Variants in CLTA observed in about 807,000 individuals in gnomAD.
CLTA encodes the protein clathrin, light polypeptide (Lca).
CLTA carries 9 observed loss-of-function variants against 26.9 expected under a neutral mutation model. The observed-to-expected ratio is 0.33, with a 90% CI of 0.20 to 0.58. The LOEUF is 0.58. Among genes scored for constraint, CLTA ranks in the 20% least tolerant of loss-of-function variants. The pLI is 0.85. For synonymous variants in CLTA, 120 were observed against 115.5 expected, an observed-to-expected ratio of 1.04 and a Z score of -0.25; for missense variants, 278 against 294.2, an observed-to-expected ratio of 0.94 and a Z score of 0.40.
At chr9:36,206,722 C>T (rs1396168500) in intron 4 of CLTA, among the ~76,000 whole-genome samples, 1 of 151,888 alleles carries the variant, frequency 6.6e-6, no homozygotes, top group Non-Finnish European at 1.5e-5. Flanking sequence ...TGGTGAAACC[C>T]CATCTCTACT....
At chr9:36,193,972 C>G (rs899491513) in intron 1 of CLTA, among the ~76,000 whole-genome samples, 1 of 152,068 alleles carries the variant, frequency 6.6e-6, no homozygotes, top group Non-Finnish European at 1.5e-5. Context: ...AGGGCTGAGT[C>G]GGGGAAGAGA....
chr9:36,203,870 T>C (rs896887708), intron 3 of CLTA, 198 bp from the exon 4 acceptor site: 1 of 231,094 alleles, frequency 4.3e-6, no homozygotes, highest in African/African-American at 2.3e-5. Context: ...CAGGCAGGAA[T>C]AGAAGCACTG....
intron 3 of CLTA, 200 bp from the exon 4 acceptor site, chr9:36,203,868 A>G (rs1827566599): frequency 4.5e-6 from 1 of 223,714 alleles, no homozygotes; most frequent in Admixed American, 6.5e-5. Flanking sequence ...ACCAGGCAGG[A>G]ATAGAAGCAC....
At chr9:36,192,928 A>G (rs970566565) in intron 1 of CLTA, among the ~76,000 whole-genome samples, 4 of 152,196 alleles carry the variant, frequency 2.6e-5, no homozygotes, top group Non-Finnish European at 5.9e-5. Flanking sequence ...GGACAGTGTT[A>G]CCCTTACTGT....
rs1587206029 is a variant in CLTA, at chr9:36,195,945, C to G, written c.218-1606C>G. 4.0e-5 allele frequency among the ~76,000 whole-genome samples: 6 copies of G among 150,112 alleles called. No homozygotes were observed. In the South Asian group the frequency reaches 1.3e-3, roughly 32 times the overall value. On this transcript the variant is annotated intron_variant, in intron 1 of 4. Transcript: ENST00000345519. ...ATCGCGCCAGTGTACTCTAGCCTGG[C>G]CAACAGCGTGAGACTCCGTCTCAAA...
chr9:36,203,155 A>T (rs1304596325), intron 3 of CLTA, among the ~76,000 whole-genome samples: 1 of 152,062 alleles, frequency 6.6e-6, no homozygotes, highest in Non-Finnish European at 1.5e-5. Flanking sequence ...TTTATCTCTC[A>T]CTATCTACTG....
At chr9:36,210,531 G>C in intron 4 of CLTA, 1 of 1,596,326 alleles carries the variant, frequency 6.3e-7, no homozygotes. Context: ...GCAAGGGCAT[G>C]TCCAGCTTAC....
chr9:36,191,439 G>C (rs1285324522), intron 1 of CLTA, among the ~76,000 whole-genome samples, 166 bp downstream of exon 1: 1 of 152,244 alleles, frequency 6.6e-6, no homozygotes, highest in African/African-American at 2.4e-5. Context: ...ACCTAGGCTC[G>C]AGAAGCCTGT....
At position 36,191,207 on chromosome 9, in the gene CLTA, G is replaced by T. The variant is rs1164964991; in HGVS notation, c.151G>T (p.Ala51Ser). Residue 51 changes from alanine (A) to serine (S), a missense_variant, in exon 1 of 5, where the codon GCC becomes TCC. Physicochemically the swap from Ala to Ser is moderately conservative, Grantham distance 99. Transcript: ENST00000345519. Reference sequence around the variant, plus strand: ...GATTGCGGGCATCGAGAACGACGAGGCCTTCGCCATCCTGGACGGCGGCGC... The same window carrying T: ...GATTGCGGGCATCGAGAACGACGAGTCCTTCGCCATCCTGGACGGCGGCGC... ...SEIAGIENDEAFAILDGGAPG... is the reference protein window; with the variant it reads ...SEIAGIENDESFAILDGGAPG... 6.4e-7 allele frequency: 1 copy of T among 1,567,206 alleles called. No homozygotes were observed.
rs749946417 is a variant in CLTA, at chr9:36,211,642, G to A, written c.525G>A (p.Ser175=). 51 of 1,613,510 alleles carry A rather than the reference G, an allele frequency of 3.2e-5. No individual in the cohort carries two copies. In the Admixed American group the frequency reaches 4.3e-4, roughly 14 times the overall value. Residue 175 remains serine (S), a synonymous_variant, in exon 5 of 5, where the codon TCG becomes TCA. Transcript: ENST00000345519. ...CCTTTGTAAATGACATTGACGAGTC[G>A]TCCCCAGGCACTGAGTGGGAACGGG... is the stretch of plus-strand genomic sequence containing the variant. The part of the protein sequence containing the change: ...EEAFVNDIDE[S]SPGTEWERVA...
intron 3 of CLTA, among the ~76,000 whole-genome samples, chr9:36,201,252 C>T (rs1827384278): frequency 6.6e-6 from 1 of 152,242 alleles, no homozygotes; most frequent in South Asian, 2.1e-4. Flanking sequence ...TTTTTCCTTG[C>T]AAAAACTGTG....
intron 1 of CLTA, among the ~76,000 whole-genome samples, chr9:36,191,552 A>G (rs1037998947): frequency 6.6e-6 from 1 of 152,132 alleles, no homozygotes; most frequent in East Asian, 1.9e-4. Context: ...CAATTCAGCA[A>G]CTTTTCATTA....
rs1224331668 is a variant in CLTA at position 36,191,208 on chromosome 9, C to T, written c.152C>T (p.Ala51Val). Residue 51 changes from alanine to valine, a missense_variant, in exon 1 of 5, where the codon GCC becomes GTC. By Grantham distance (64) the Ala-to-Val change is moderately conservative. Coordinates refer to ENST00000345519, the MANE Select transcript of CLTA (RefSeq NM_001833.4). ...SEIAGIENDE[A>V]FAILDGGAPG... Reference sequence around the variant, plus strand: ...ATTGCGGGCATCGAGAACGACGAGGCCTTCGCCATCCTGGACGGCGGCGCC... The same window carrying T: ...ATTGCGGGCATCGAGAACGACGAGGTCTTCGCCATCCTGGACGGCGGCGCC... The T allele has an allele frequency of 3.2e-6, 5 of 1,562,872 alleles. No homozygotes were observed. The highest frequency in any genetic ancestry group is 3.5e-6 in the Non-Finnish European group (4 of 1,158,220).
At chr9:36,208,843 G>A (rs1024057255) in intron 4 of CLTA, among the ~76,000 whole-genome samples, 1 of 152,216 alleles carries the variant, frequency 6.6e-6, no homozygotes. Flanking sequence ...TGCTGCCACT[G>A]TGGTGTAGCT....
chr9:36,210,791 C>G (rs1404372915), intron 4 of CLTA: 2 of 988,464 alleles, frequency 2.0e-6, no homozygotes, highest in Non-Finnish European at 3.2e-6. Context: ...CCCCACAGAC[C>G]AGTCATCTCC....
At chr9:36,205,497 C>T (rs749703081) in intron 4 of CLTA, among the ~76,000 whole-genome samples, 5 of 152,082 alleles carry the variant, frequency 3.3e-5, no homozygotes, top group Admixed American at 2.0e-4. Context: ...AAGCACCCTG[C>T]GAGCCCTGAG....
chr9:36,206,616 G>A (rs1408403956), intron 4 of CLTA, among the ~76,000 whole-genome samples: 3 of 152,054 alleles, frequency 2.0e-5, no homozygotes, highest in Non-Finnish European at 2.9e-5. Flanking sequence ...AATGGGGGCC[G>A]GACACCGTGA....
intron 2 of CLTA, among the ~76,000 whole-genome samples, chr9:36,198,066 G>A (rs578151413): frequency 1.6e-5 from 2 of 126,158 alleles, no homozygotes; most frequent in Admixed American, 9.9e-5. Flanking sequence ...GCACGATCTT[G>A]TCTCATTGCA....
At chr9:36,195,917 G>T (rs914386206) in intron 1 of CLTA, among the ~76,000 whole-genome samples, 1 of 152,058 alleles carries the variant, frequency 6.6e-6, no homozygotes, top group East Asian at 1.9e-4. Context: ...GCAGCAAGCC[G>T]AGATCGCGCC....
Sources: gnomAD v4.1 joint callset for allele counts (sites outside exome capture counted in the v4.1 genomes callset) on GRCh38, gnomAD v4.1.1 for gene constraint, MANE v1.5 for transcripts, NCBI Gene and HGNC (gene_info 2026-07-23, HGNC 2026-07-21) for gene names.